EXOC6: variants seen among roughly 807,000 people sequenced by gnomAD.
The protein encoded by EXOC6 is exocyst complex component 6.
Under a neutral mutation model 112.5 loss-of-function variants are expected in EXOC6, and 60 were observed. The ratio of observed to expected loss-of-function variants is 0.53; its 90% CI spans 0.43 to 0.66. The LOEUF is 0.66. EXOC6 is among the 30% of genes least tolerant of loss of function. The pLI is 0.00. For synonymous variants in EXOC6, 295 were observed against 308.0 expected (o/e 0.96, Z 0.44); for missense variants, 855 against 957.1 (o/e 0.89, Z 1.41).
At chr10:92,848,440 C>CCCCCCCCCCCCCCCCA, upstream of EXOC6, 1 of 805,100 alleles carries the variant, frequency 1.2e-6, no homozygotes, top group Non-Finnish European at 1.5e-6. Context: ...AGCGCCCCGC[C>CCCCCCCCCCCCCCCCA]CCCGCCCCGC....
Position 92,974,038 on chromosome 10 carries a change from T to G in EXOC6, c.1774-15T>G. 1 of 1,566,740 alleles carries G rather than the reference T, an allele frequency of 6.4e-7. No homozygotes were observed. Among genetic ancestry groups the G allele is most frequent in the Non-Finnish European group, 8.6e-7 (1 of 1,162,576 alleles). ...ATCTGTTTCTTGTCTTTGTTGTTAT[T>G]TTGTCCCATGTCAGGATGCTCGACA... On this transcript the variant is annotated splice_polypyrimidine_tract_variant and intron_variant, in intron 17 of 21. Coordinates refer to ENST00000260762, the MANE Select transcript of EXOC6 (RefSeq NM_019053.6).
Position 92,894,816 on chromosome 10 carries a change from G to A in EXOC6, c.296G>A (p.Arg99Gln), listed in dbSNP as rs138428266. 3.1e-5 allele frequency: 50 copies of A among 1,613,392 alleles called. No individual in the cohort carries two copies. The South Asian group carries it at 4.4e-4, about 14-fold the overall frequency. ...AAGGTGCAAGTTACTGATACCAACCGAAGGTTTCAAGATGCTGGAAAAGAG... is the reference window on the plus strand; with the variant it reads ...AAGGTGCAAGTTACTGATACCAACCAAAGGTTTCAAGATGCTGGAAAAGAG... ...KLKVQVTDTNRRFQDAGKEVI... is the reference protein window; with the variant it reads ...KLKVQVTDTNQRFQDAGKEVI... Residue 99 changes from arginine (R) to glutamine (Q), a missense_variant, in exon 3 of 22, where the codon CGA becomes CAA. By Grantham distance (43) the Arg-to-Gln change is conservative. This residue lies in a region of EXOC6 where 405 missense variants were observed against 393.6 expected (regional missense o/e 1.03). Transcript: ENST00000260762.
Position 92,837,112 on chromosome 10 carries a change from A to ACG in EXOC6, c.86+2289_86+2290insGC, listed in dbSNP as rs1316641904. 4.6e-5 allele frequency among the ~76,000 whole-genome samples: 7 copies of ACG among 151,200 alleles called. No individual in the cohort carries two copies. In the East Asian group the frequency reaches 1.4e-3, roughly 29 times the overall value. Reference sequence around the variant, plus strand: ...GTTATAACATAACACACACACACACACACACACACACACACACACACACAA... The same window carrying ACG: ...GTTATAACATAACACACACACACACACGCACACACACACACACACACACACAA... On this transcript the variant is annotated intron_variant, in intron 1 of 21. Coordinates refer to the EXOC6 transcript ENST00000371552.
At chr10:92,916,693 C>G (rs1045812648) in intron 7 of EXOC6, among the ~76,000 whole-genome samples, 5 of 152,194 alleles carry the variant, frequency 3.3e-5, no homozygotes, top group Admixed American at 1.3e-4. Context: ...CTTTGTTCTG[C>G]AGACATGCCA....
intron 17 of EXOC6, among the ~76,000 whole-genome samples, chr10:92,966,273 G>GAAATTA: frequency 8.6e-6 from 1 of 115,840 alleles, no homozygotes; most frequent in Non-Finnish European, 1.7e-5. Flanking sequence ...TAGAAAGCAT[G>GAAATTA]TAATTATAAT....
chr10:92,931,115 G>GAAAAAAAAAA lies in EXOC6; in HGVS notation c.972+2708_972+2717dup, dbSNP rs60087746. Reference sequence around the variant, plus strand: ...GACAGAGCAAGACTCCATCTCAGAAGAAAAAAAAAAAAAAAAAAAAAAAAG... The same window carrying GAAAAAAAAAA: ...GACAGAGCAAGACTCCATCTCAGAAGAAAAAAAAAAAAAAAAAAAAAAAAAAAAAAAAAAG... On this transcript the variant is annotated intron_variant, in intron 9 of 21. Coordinates refer to ENST00000260762, the MANE Select transcript of EXOC6 (RefSeq NM_019053.6). Among the ~76,000 whole-genome samples the GAAAAAAAAAA allele has an allele frequency of 2.8e-5, 2 of 70,602 alleles. 1 individual carries two copies. Among genetic ancestry groups the GAAAAAAAAAA allele is most frequent in the Admixed American group, 3.6e-4 (2 of 5,622 alleles). 46.3% of individuals were successfully genotyped at this position (70,602 alleles called of 152,430 possible). A position where few individuals can be genotyped will look rare whatever the true frequency, so the allele number is the denominator to read the frequency against.
chr10:92,937,951 T>C (rs528905472), intron 12 of EXOC6, among the ~76,000 whole-genome samples: 1 of 152,188 alleles, frequency 6.6e-6, no homozygotes, highest in African/African-American at 2.4e-5. Context: ...TTCCTCAGAA[T>C]GTAAATTAAC....
intron 20 of EXOC6, among the ~76,000 whole-genome samples, chr10:93,041,520 T>C (rs1845775897): frequency 1.3e-5 from 2 of 151,880 alleles, no homozygotes; most frequent in South Asian, 4.2e-4. Context: ...GCCTCCCAAG[T>C]ATGCCTCAGC....
chr10:92,856,143 C>G (rs1413839586), intron 1 of EXOC6, among the ~76,000 whole-genome samples: 2 of 152,214 alleles, frequency 1.3e-5, no homozygotes, highest in East Asian at 1.9e-4. Flanking sequence ...GGATTACAGG[C>G]ATGAGCCACT....
intron 1 of EXOC6, among the ~76,000 whole-genome samples, chr10:92,863,940 AC>A (rs1848040613): frequency 6.6e-6 from 1 of 151,070 alleles, no homozygotes; most frequent in African/African-American, 2.4e-5. Flanking sequence ...AAACAAAAAA[AC>A]AAAAAAAAAA....
At chr10:93,039,051 G>C (rs1005976095) in intron 20 of EXOC6, among the ~76,000 whole-genome samples, 1 of 152,052 alleles carries the variant, frequency 6.6e-6, no homozygotes, top group Admixed American at 6.6e-5. Context: ...GGTCATGGTG[G>C]CTCATGCCTG....
chr10:92,983,013 C>T (rs1015854559), intron 18 of EXOC6, among the ~76,000 whole-genome samples: 3 of 152,130 alleles, frequency 2.0e-5, no homozygotes, highest in Non-Finnish European at 4.4e-5. Flanking sequence ...TGGATAGTAT[C>T]TAACTTTTAA....
chr10:93,058,493 A>C lies in EXOC6; in HGVS notation c.*138A>C. On this transcript the variant is annotated 3_prime_UTR_variant, in exon 22 of 22. Coordinates refer to ENST00000260762, the MANE Select transcript of EXOC6 (RefSeq NM_019053.6). ...AAGATACATGAGGGCTTAAACAAGAAATAGTAATAAATATCATTTGTATGG... is the reference window on the plus strand; with the variant it reads ...AAGATACATGAGGGCTTAAACAAGACATAGTAATAAATATCATTTGTATGG... The C allele has an allele frequency of 2.0e-6, 1 of 503,056 alleles. No homozygotes were observed. The allele number at this position is 503,056 out of a possible 1,614,324, so 31.2% of individuals were successfully genotyped here. A position where few individuals can be genotyped will look rare whatever the true frequency, so the allele number is the denominator to read the frequency against.
At chr10:93,019,658 A>T (rs1228136777) in intron 20 of EXOC6, among the ~76,000 whole-genome samples, 3 of 152,176 alleles carry the variant, frequency 2.0e-5, no homozygotes, top group Non-Finnish European at 4.4e-5. Flanking sequence ...AATAAAGTTT[A>T]AAAACAAAAA....
intron 20 of EXOC6, among the ~76,000 whole-genome samples, chr10:93,037,132 TTTC>T (rs1287829293): frequency 2.6e-5 from 4 of 152,034 alleles, no homozygotes; most frequent in East Asian, 1.9e-4. Context: ...CCAAACTTCC[TTTC>T]TTCTTCTACT....
chr10:92,893,492 A>G lies in EXOC6; in HGVS notation c.245A>G (p.Lys82Arg), dbSNP rs1435339850. The G allele has an allele frequency of 6.2e-7, 1 of 1,606,598 alleles. No homozygotes were observed. The highest frequency in any genetic ancestry group is 1.3e-5 in the African/African-American group (1 of 74,458). ...GTAGATGCTATTACAGAACTCCTTAAAGTAAGGACTGATGCAGAAAAACTG... is the reference window on the plus strand; with the variant it reads ...GTAGATGCTATTACAGAACTCCTTAGAGTAAGGACTGATGCAGAAAAACTG... ...GFVDAITELL[K>R]VRTDAEKLKV... is the part of the protein sequence containing the mutation. Residue 82 changes from lysine to arginine, a missense_variant, in exon 2 of 22, where the codon AAA becomes AGA. Physicochemically the swap from Lys to Arg is conservative, Grantham distance 26 (BLOSUM62 2). Transcript: ENST00000260762.
intron 1 of EXOC6, 129 bp downstream of exon 1, chr10:92,848,763 G>A: frequency 1.5e-6 from 1 of 684,418 alleles, no homozygotes; most frequent in Non-Finnish European, 1.9e-6. Flanking sequence ...GGGGGCGGGC[G>A]GGGGCGCTCG....
intron 20 of EXOC6, among the ~76,000 whole-genome samples, chr10:93,028,460 G>A (rs1845119701): frequency 6.6e-6 from 1 of 152,176 alleles, no homozygotes; most frequent in African/African-American, 2.4e-5. Flanking sequence ...TTGAATGGAT[G>A]AGGTATTACT....
chr10:92,837,097 A>AACACACAC (rs58871930), intron 1 of EXOC6, among the ~76,000 whole-genome samples: 33,918 of 139,514 alleles, frequency 0.24, 4,407 homozygotes, highest in Non-Finnish European at 0.29. Flanking sequence ...GTTATAACAT[A>AACACACAC]ACACACACAC....
Sources: allele counts gnomAD v4.1 joint callset (sites outside exome capture counted in the v4.1 genomes callset), GRCh38; gene constraint gnomAD v4.1.1; regional missense constraint gnomAD v4.1.1; transcripts MANE v1.5; gene names NCBI Gene and HGNC (gene_info 2026-07-23, HGNC 2026-07-21).